Variants in HDX observed in about 807,000 individuals in gnomAD.
HDX encodes the protein chromosome X open reading frame 43.
A neutral mutation model predicts 45.2 loss-of-function variants in HDX; 19 were observed. The ratio of observed to expected loss-of-function variants is 0.42; its 90% CI spans 0.29 to 0.62. The LOEUF is 0.62. Among genes scored for constraint, HDX ranks in the 20% least tolerant of loss-of-function variants. HDX has a pLI of 0.20. For missense variants in HDX, 532 were observed against 493.9 expected, an observed-to-expected ratio of 1.08 and a Z score of -0.73; for synonymous variants, 188 against 172.8, an observed-to-expected ratio of 1.09 and a Z score of -0.69.
At chrX:84,338,769 C>T (rs1322624131) in intron 7 of HDX, among the ~76,000 whole-genome samples, 1 of 111,001 alleles carries the variant, frequency 9.0e-6, no homozygotes, top group Non-Finnish European at 1.9e-5. Context: ...CCCAATGTTG[C>T]AGTTGGAGCC....
chrX:84,385,837 G>GTT (rs764533335), intron 5 of HDX, among the ~76,000 whole-genome samples: 1,278 of 73,420 alleles, frequency 0.017, 30 homozygotes, highest in Middle Eastern at 0.062. Flanking sequence ...TACTTGAATG[G>GTT]TTTTTTTTTT....
chrX:84,425,219 C>T (rs775948524), intron 5 of HDX, among the ~76,000 whole-genome samples: 3 of 111,585 alleles, frequency 2.7e-5, no homozygotes, highest in Admixed American at 9.5e-5. Context: ...AAAATGTGCT[C>T]GACATTACTA....
At chrX:84,475,130 C>T in intron 3 of HDX, 121 bp downstream of exon 3, 2 of 518,025 alleles carry the variant, frequency 3.9e-6, no homozygotes, top group East Asian at 3.8e-5. Flanking sequence ...ATTGTTATAC[C>T]AGGGAAGTGA....
At chrX:84,441,382 T>C (rs2039758444) in intron 4 of HDX, among the ~76,000 whole-genome samples, 1 of 111,872 alleles carries the variant, frequency 8.9e-6, no homozygotes, top group African/African-American at 3.2e-5. Flanking sequence ...ACATGTGTTT[T>C]CTTAATACAA....
chrX:84,462,852 A>G (rs892354907), intron 4 of HDX, among the ~76,000 whole-genome samples: 2 of 111,606 alleles, frequency 1.8e-5, no homozygotes, highest in South Asian at 7.4e-4. Context: ...AAAACATAAT[A>G]TGAAGTATTA....
At chrX:84,449,921 C>A in intron 4 of HDX, among the ~76,000 whole-genome samples, 1 of 108,890 alleles carries the variant, frequency 9.2e-6, no homozygotes, top group Admixed American at 9.8e-5. Context: ...AACACATGGA[C>A]ACAGGAAGGG....
rs186632886 is a variant in HDX at position 84,403,411 on chromosome X, T to G, written c.1305+37121A>C. Among the ~76,000 whole-genome samples the G allele has an allele frequency of 6.2e-4, 69 of 111,709 alleles. 1 individual carries two copies. The East Asian group carries it at 0.011, about 18-fold the overall frequency. On this transcript the variant is annotated intron_variant, in intron 5 of 10. Coordinates refer to ENST00000373177, the MANE Select transcript of HDX (RefSeq NM_001177479.2). The stretch of plus-strand genomic sequence containing the variant: ...CTACAAAATTATCATTTGGGAGCTA[T>G]CTTATCACAAAAAGTTAAAAATCTA...
At chrX:84,463,142 C>A (rs1333120129) in intron 4 of HDX, among the ~76,000 whole-genome samples, 1 of 110,713 alleles carries the variant, frequency 9.0e-6, no homozygotes, top group Non-Finnish European at 1.9e-5. Flanking sequence ...TGAATTCACA[C>A]TTTTAATGTG....
At chrX:84,338,558 A>C (rs1335587280) in intron 7 of HDX, among the ~76,000 whole-genome samples, 1 of 110,482 alleles carries the variant, frequency 9.1e-6, no homozygotes, top group Non-Finnish European at 1.9e-5. Context: ...ACTTGTTCAT[A>C]CTACATATTT....
chrX:84,430,654 C>G (rs749729486), intron 5 of HDX, among the ~76,000 whole-genome samples: 4 of 103,120 alleles, frequency 3.9e-5, no homozygotes, highest in African/African-American at 1.4e-4. Context: ...TAAGAGAGAT[C>G]TTTTCTCTGC....
intron 5 of HDX, among the ~76,000 whole-genome samples, chrX:84,364,154 T>C (rs1298164003): frequency 1.8e-5 from 2 of 111,613 alleles, no homozygotes; most frequent in Non-Finnish European, 3.8e-5. Context: ...GTTTTAAGTA[T>C]GTATCTTGGT....
At position 84,318,464 on chromosome X, in the gene HDX, G is replaced by T. The variant is rs944084986; in HGVS notation, c.*3425C>A. The T allele has an allele frequency of 2.7e-5, 3 of 110,852 alleles. No homozygotes were observed. Among genetic ancestry groups the T allele is most frequent in the Non-Finnish European group, 5.7e-5 (3 of 52,525 alleles). 9.1% of individuals were successfully genotyped at this position (110,852 alleles called of 1,213,427 possible). The stretch of plus-strand genomic sequence containing the variant: ...AACACAACTGTAATACGGAAGAAGG[G>T]CAGGAGTTAAAGTTTTCAGAATGTC... On this transcript the variant is annotated 3_prime_UTR_variant, in exon 11 of 11. Coordinates refer to ENST00000373177, the MANE Select transcript of HDX (RefSeq NM_001177479.2).
intron 8 of HDX, among the ~76,000 whole-genome samples, chrX:84,334,860 ATGT>A (rs1303709663): frequency 9.0e-6 from 1 of 110,758 alleles, no homozygotes; most frequent in African/African-American, 3.3e-5. Context: ...AAATAGCAAC[ATGT>A]TGTAGGCAGA....
intron 4 of HDX, 59 bp from the exon 5 acceptor site, chrX:84,440,644 G>T: frequency 2.9e-6 from 2 of 700,291 alleles, no homozygotes; most frequent in Non-Finnish European, 4.5e-6. Context: ...TTGGAATGTT[G>T]ATCAACACCA....
intron 4 of HDX, among the ~76,000 whole-genome samples, chrX:84,468,237 T>C (rs1047019881): frequency 8.9e-6 from 1 of 111,784 alleles, no homozygotes; most frequent in Non-Finnish European, 1.9e-5. Context: ...TCATTTTAAA[T>C]GCAGGGAAAG....
intron 8 of HDX, among the ~76,000 whole-genome samples, chrX:84,334,425 G>A (rs1232231538): frequency 9.1e-6 from 1 of 110,342 alleles, no homozygotes; most frequent in African/African-American, 3.3e-5. Context: ...CAGCCAGGAT[G>A]AGGAGGTGGA....
chrX:84,452,226 C>G (rs2040012800), intron 4 of HDX, among the ~76,000 whole-genome samples: 1 of 110,869 alleles, frequency 9.0e-6, no homozygotes, highest in Admixed American at 9.6e-5. Context: ...CAAATTTTCC[C>G]TCTTTGTAGA....
At chrX:84,349,403 A>ATG (rs58864600) in intron 6 of HDX, among the ~76,000 whole-genome samples, 2,180 of 68,441 alleles carry the variant, frequency 0.032, 62 homozygotes, top group African/African-American at 0.076. Context: ...ATATATATAT[A>ATG]TGTGTGTGTG....
At chrX:84,402,668 T>C (rs756026946) in intron 5 of HDX, among the ~76,000 whole-genome samples, 7 of 111,680 alleles carry the variant, frequency 6.3e-5, no homozygotes, top group South Asian at 3.7e-4. Context: ...TTTGTGAGAA[T>C]GTAAATTTTC....
Sources: allele counts gnomAD v4.1 joint callset (sites outside exome capture counted in the v4.1 genomes callset), GRCh38; gene constraint gnomAD v4.1.1; transcripts MANE v1.5; gene names NCBI Gene and HGNC (gene_info 2026-07-23, HGNC 2026-07-21).